INSL5: variants seen among roughly 807,000 people sequenced by gnomAD.
INSL5 encodes insulin like 5.
Under a neutral mutation model 4.3 loss-of-function variants are expected in INSL5, and 3 were observed. That is an observed-to-expected ratio of 0.70 (90% confidence interval 0.32 to 1.82). The LOEUF is 1.82. Ranked by LOEUF, INSL5 falls within the 40% of genes most tolerant of loss-of-function variation. The pLI, the probability that INSL5 is intolerant of heterozygous loss-of-function variation, is 0.08. For synonymous variants in INSL5, 68 were observed against 56.6 expected, an observed-to-expected ratio of 1.20 and a Z score of -0.90; for missense variants, 168 against 160.9, an observed-to-expected ratio of 1.04 and a Z score of -0.24.
rs1645353368 is a variant in INSL5, at chr1:66,798,008, T to C, written c.*5A>G. On this transcript the variant is annotated 3_prime_UTR_variant, in exon 2 of 2. Transcript: ENST00000304526. ...TCTGCCACCCATTGGGTATTTGCTC[T>C]TGTCTTAGCAAAGAGCACTCAAATC... 6.2e-7 allele frequency: 1 copy of C among 1,603,076 alleles called. No individual in the cohort carries two copies. Among genetic ancestry groups the C allele is most frequent in the Non-Finnish European group, 8.5e-7 (1 of 1,170,046 alleles).
intron 1 of INSL5, among the ~76,000 whole-genome samples, chr1:66,799,095 A>C (rs1645358843): frequency 6.6e-6 from 1 of 152,208 alleles, no homozygotes; most frequent in Admixed American, 6.5e-5. Context: ...TAGTCATATG[A>C]ACTTCAATAT....
chr1:66,798,356 C>T lies in INSL5; in HGVS notation c.176-111G>A, dbSNP rs190706110. The T allele has an allele frequency of 6.9e-6, 5 of 724,396 alleles. No individual in the cohort carries two copies. In the Admixed American group the frequency reaches 1.4e-4, roughly 20 times the overall value. The allele number at this position is 724,396 out of a possible 1,614,324, so 44.9% of individuals were successfully genotyped here. A position where few individuals can be genotyped will look rare whatever the true frequency, so the allele number is the denominator to read the frequency against. ...CTGGATCCCTAAAATGAAATAGAAT[C>T]ATACACATAATTTTTTAAAATGTTG... On this transcript the variant is annotated intron_variant, in intron 1 of 1. Coordinates refer to ENST00000304526, the MANE Select transcript of INSL5 (RefSeq NM_005478.6).
rs764911592 is a variant in INSL5 at position 66,797,911 on chromosome 1, C to T, written c.*102G>A. On this transcript the variant is annotated 3_prime_UTR_variant, in exon 2 of 2. Coordinates refer to ENST00000304526, the MANE Select transcript of INSL5 (RefSeq NM_005478.6). ...AAAAGAAGTTTTGCCTACCCAAAAG[C>T]CATCATTTTAATAACACAATATTAG... 8.3e-6 allele frequency: 7 copies of T among 839,578 alleles called. No homozygotes were observed. Among genetic ancestry groups the T allele is most frequent in the Non-Finnish European group, 1.3e-5 (7 of 530,794 alleles). 52.0% of individuals were successfully genotyped at this position (839,578 alleles called of 1,614,324 possible). A position where few individuals can be genotyped will look rare whatever the true frequency, so the allele number is the denominator to read the frequency against.
chr1:66,801,171 G>A lies in INSL5; in HGVS notation c.51C>T (p.Ile17=). Residue 17 remains isoleucine (I), a synonymous_variant, in exon 1 of 2, where the codon ATC becomes ATT. Transcript: ENST00000304526. The part of the protein sequence containing the change: ...TLFLFSVLFA[I]SEVRSKESVR... ...CAGACTCCTTGCTCCGCACTTCTGA[G>A]ATGGCAAATAGGACAGAGAATAAAA... is the stretch of plus-strand genomic sequence containing the variant. 3 of 1,613,606 alleles carry A rather than the reference G, an allele frequency of 1.9e-6. No individual in the cohort carries two copies. Among genetic ancestry groups the A allele is most frequent in the Non-Finnish European group, 1.7e-6 (2 of 1,179,500 alleles).
Position 66,797,999 on chromosome 1 carries a change from TATTTGCTCTTGTCTTAGC to T in INSL5, c.404_*13del. On this transcript the variant is annotated stop_lost and 3_prime_UTR_variant, in exon 2 of 2. Transcript: ENST00000304526. ...TGATAAAGCTCTGCCACCCATTGGGTATTTGCTCTTGTCTTAGCAAAGAGCACTCAAATCAGTCATGGA... is the reference window on the plus strand; with the variant it reads ...TGATAAAGCTCTGCCACCCATTGGGTAAAGAGCACTCAAATCAGTCATGGA... 1 of 1,550,594 alleles carries T rather than the reference TATTTGCTCTTGTCTTAGC, an allele frequency of 6.4e-7. No individual in the cohort carries two copies. The highest frequency in any genetic ancestry group is 8.9e-7 in the Non-Finnish European group (1 of 1,122,426).
At chr1:66,798,977 G>A (rs1357338983) in intron 1 of INSL5, among the ~76,000 whole-genome samples, 1 of 152,094 alleles carries the variant, frequency 6.6e-6, no homozygotes, top group Non-Finnish European at 1.5e-5. Flanking sequence ...TATCCCAAAT[G>A]TATTTTTATA....
At chr1:66,800,709 AG>A (rs1368015451) in intron 1 of INSL5, among the ~76,000 whole-genome samples, 1 of 152,182 alleles carries the variant, frequency 6.6e-6, no homozygotes, top group Non-Finnish European at 1.5e-5. Flanking sequence ...CATGAGTGAA[AG>A]TCTTGCTACT....
chr1:66,798,970 C>T (rs1645358371), intron 1 of INSL5, among the ~76,000 whole-genome samples: 3 of 152,150 alleles, frequency 2.0e-5, no homozygotes, highest in Admixed American at 2.0e-4. Flanking sequence ...TCAGAGATAT[C>T]CCAAATGTAT....
intron 1 of INSL5, among the ~76,000 whole-genome samples, chr1:66,800,415 G>A (rs1262301505): frequency 2.0e-5 from 3 of 152,058 alleles, no homozygotes; most frequent in South Asian, 4.2e-4. Context: ...TTTCCCACCC[G>A]AGACTCAGTA....
At chr1:66,798,274 CCTTAGACAGCT>C in intron 1 of INSL5, 29 bp from the exon 2 acceptor site, 1 of 1,495,654 alleles carries the variant, frequency 6.7e-7, no homozygotes, top group Non-Finnish European at 9.3e-7. Flanking sequence ...AATAATACAT[CCTTAGACAGCT>C]CCTACAAAGA....
At chr1:66,800,204 T>C (rs1233715839) in intron 1 of INSL5, among the ~76,000 whole-genome samples, 1 of 152,208 alleles carries the variant, frequency 6.6e-6, no homozygotes, top group Non-Finnish European at 1.5e-5. Flanking sequence ...TCACCGTTTC[T>C]GAAAGACATT....
intron 1 of INSL5, among the ~76,000 whole-genome samples, chr1:66,799,378 T>C (rs1366440490): frequency 6.6e-6 from 1 of 152,122 alleles, no homozygotes; most frequent in Non-Finnish European, 1.5e-5. Context: ...ATGATCTCAC[T>C]GATATGTGGA....
chr1:66,799,246 A>G (rs991422869), intron 1 of INSL5, among the ~76,000 whole-genome samples: 4 of 152,210 alleles, frequency 2.6e-5, no homozygotes, highest in African/African-American at 9.6e-5. Context: ...AATCATACAT[A>G]TAGTCGCAAC....
chr1:66,797,930 A>G lies in INSL5; in HGVS notation c.*83T>C, dbSNP rs1242001906. 1.0e-6 allele frequency: 1 copy of G among 973,394 alleles called. No homozygotes were observed. Among genetic ancestry groups the G allele is most frequent in the African/African-American group, 1.6e-5 (1 of 61,496 alleles). 60.3% of individuals were successfully genotyped at this position (973,394 alleles called of 1,614,324 possible). A position where few individuals can be genotyped will look rare whatever the true frequency, so the allele number is the denominator to read the frequency against. On this transcript the variant is annotated 3_prime_UTR_variant, in exon 2 of 2. Coordinates refer to ENST00000304526, the MANE Select transcript of INSL5 (RefSeq NM_005478.6). ...CAAAAGCCATCATTTTAATAACACA[A>G]TATTAGTGTTCTACCAGGCAGTAAA...
chr1:66,801,160 C>T lies in INSL5; in HGVS notation c.62G>A (p.Arg21Gln), dbSNP rs137933631. Residue 21 changes from arginine to glutamine, a missense_variant, in exon 1 of 2, where the codon CGG becomes CAG. Physicochemically the swap from Arg to Gln is conservative, Grantham distance 43 (BLOSUM62 1). Transcript: ENST00000304526. ...ACAGAGTCTCACAGACTCCTTGCTC[C>T]GCACTTCTGAGATGGCAAATAGGAC... ...FSVLFAISEVRSKESVRLCGL... is the reference protein window; with the variant it reads ...FSVLFAISEVQSKESVRLCGL... 64 of 1,613,186 alleles carry T rather than the reference C, an allele frequency of 4.0e-5. No individual in the cohort carries two copies. The highest frequency in any genetic ancestry group is 8.3e-5 in the Admixed American group (5 of 60,002).
chr1:66,800,963 TA>T, intron 1 of INSL5, 83 bp downstream of exon 1: 1 of 1,047,074 alleles, frequency 9.6e-7, no homozygotes. Flanking sequence ...AAACACTTAA[TA>T]AAATAATGGT....
intron 1 of INSL5, among the ~76,000 whole-genome samples, chr1:66,799,208 T>G (rs1412454883): frequency 1.3e-5 from 2 of 152,232 alleles, no homozygotes; most frequent in African/African-American, 4.8e-5. Flanking sequence ...ATTACCAACA[T>G]CATTTTAAAT....
chr1:66,800,033 T>C (rs946944955), intron 1 of INSL5, among the ~76,000 whole-genome samples: 1 of 152,096 alleles, frequency 6.6e-6, no homozygotes, highest in Non-Finnish European at 1.5e-5. Context: ...GGCAAGACCC[T>C]GTCTCCAATC....
At chr1:66,798,880 A>C (rs1368579591) in intron 1 of INSL5, among the ~76,000 whole-genome samples, 2 of 152,230 alleles carry the variant, frequency 1.3e-5, no homozygotes, top group African/African-American at 4.8e-5. Context: ...TCTGAGAAAG[A>C]TTGAATAATA....
Sources: gnomAD v4.1 joint callset for allele counts (sites outside exome capture counted in the v4.1 genomes callset) on GRCh38, gnomAD v4.1.1 for gene constraint, MANE v1.5 for transcripts, NCBI Gene and HGNC (gene_info 2026-07-23, HGNC 2026-07-21) for gene names.